RGS3: variants seen among roughly 807,000 people sequenced by gnomAD.
RGS3 encodes the protein regulator of G protein signaling 3, also known as regulator of G-protein signalling 3.
In RGS3, 80 loss-of-function variants were observed where a neutral mutation model predicts 132.6. The ratio of observed to expected loss-of-function variants is 0.60; its 90% CI spans 0.50 to 0.73. RGS3 has a LOEUF of 0.73. RGS3 is among the 30% of genes least tolerant of loss of function. The probability of loss-of-function intolerance (pLI) is 0.00; values close to 1 mark genes in which losing one functional copy is unlikely to be tolerated. For missense variants in RGS3, 1,382 were observed against 1,530.8 expected, an observed-to-expected ratio of 0.90 and a Z score of 1.62; for synonymous variants, 598 against 620.6, an observed-to-expected ratio of 0.96 and a Z score of 0.54.
intron 19 of RGS3, among the ~76,000 whole-genome samples, chr9:113,558,203 G>A (rs1833646634): frequency 6.6e-6 from 1 of 152,158 alleles, no homozygotes; most frequent in Admixed American, 6.5e-5. Context: ...GAAGAATGGT[G>A]CTCAAAAGTC....
intron 19 of RGS3, among the ~76,000 whole-genome samples, chr9:113,542,819 C>T (rs138901932): frequency 6.6e-6 from 1 of 152,208 alleles, no homozygotes; most frequent in Non-Finnish European, 1.5e-5. Context: ...CCATGCTGAG[C>T]ATTGTGATAG....
intron 1 of RGS3, among the ~76,000 whole-genome samples, chr9:113,447,329 G>GTATA (rs60991619): frequency 0.022 from 616 of 27,524 alleles, 94 homozygotes; most frequent in Admixed American, 0.09. Context: ...GTATGTATAT[G>GTATA]TATATATATA....
At chr9:113,558,153 T>C (rs1037247770) in intron 19 of RGS3, among the ~76,000 whole-genome samples, 4 of 152,194 alleles carry the variant, frequency 2.6e-5, no homozygotes, top group African/African-American at 9.7e-5. Flanking sequence ...AGGAGGGGTC[T>C]GCAAAATTCT....
intron 19 of RGS3, among the ~76,000 whole-genome samples, chr9:113,573,152 C>T (rs1834363991): frequency 6.6e-6 from 1 of 152,198 alleles, no homozygotes; most frequent in African/African-American, 2.4e-5. Context: ...ATAGGTTAAG[C>T]AGCCTGTGCA....
At chr9:113,490,927 T>C (rs1830493610) in intron 7 of RGS3, among the ~76,000 whole-genome samples, 1 of 131,548 alleles carries the variant, frequency 7.6e-6, no homozygotes, top group Admixed American at 7.9e-5. Context: ...TATATAATTA[T>C]ATATAACCTA....
intron 3 of RGS3, chr9:113,462,268 C>A: frequency 1.1e-6 from 1 of 922,994 alleles, no homozygotes; most frequent in Non-Finnish European, 1.4e-6. Flanking sequence ...GCAGTGTTCA[C>A]CATGTGTGTG....
intron 22 of RGS3, 21 bp downstream of exon 20, chr9:113,594,552 T>A: frequency 2.5e-6 from 4 of 1,587,060 alleles, no homozygotes; most frequent in South Asian, 1.1e-5. Context: ...CCTGGCACCC[T>A]GGGACCCTTT....
chr9:113,541,364 C>A, intron 19 of RGS3: 1 of 1,613,852 alleles, frequency 6.2e-7, no homozygotes, highest in South Asian at 1.1e-5. Context: ...TGGGGCCGGT[C>A]AACTCAACCA....
chr9:113,501,423 GGGC>G, intron 10 of RGS3: 2 of 1,469,022 alleles, frequency 1.4e-6, no homozygotes, highest in Non-Finnish European at 1.8e-6. Flanking sequence ...AGCACAGACA[GGGC>G]TTGGGGAGGT....
At chr9:113,473,264 G>T (rs952470806) in intron 3 of RGS3, among the ~76,000 whole-genome samples, 14 of 152,242 alleles carry the variant, frequency 9.2e-5, no homozygotes, top group Non-Finnish European at 7.3e-5. Flanking sequence ...CAAAGACTTT[G>T]TGGACAAATT....
intron 1 of RGS3, among the ~76,000 whole-genome samples, chr9:113,454,037 C>T (rs1362725939): frequency 1.3e-5 from 2 of 152,004 alleles, no homozygotes; most frequent in African/African-American, 4.8e-5. Context: ...TAGTCTCAGA[C>T]TCCTGGCCTC....
At chr9:113,508,604 C>T in intron 14 of RGS3, 24 bp downstream of exon 12, 1 of 1,609,972 alleles carries the variant, frequency 6.2e-7, no homozygotes, top group South Asian at 1.1e-5. Context: ...TGCTGCTGTG[C>T]CCTCCTAGCT....
At chr9:113,564,422 C>G (rs956994870) in intron 19 of RGS3, among the ~76,000 whole-genome samples, 1 of 152,212 alleles carries the variant, frequency 6.6e-6, no homozygotes, top group Non-Finnish European at 1.5e-5. Context: ...AGAGAATCCT[C>G]TATTCATCCC....
rs139653092 is a variant in RGS3, at chr9:113,531,686, T to A, written c.1914+2422T>A. 1.6e-3 allele frequency among the ~76,000 whole-genome samples: 251 copies of A among 152,264 alleles called. 3 individuals carry two copies. The highest frequency in any genetic ancestry group is 5.6e-3 in the African/African-American group (231 of 41,542). On this transcript the variant is annotated intron_variant, in intron 18 of 24. Coordinates refer to ENST00000350696, the Ensembl canonical transcript of RGS3. ...TAATGTGCATATACAGTTATACAAA[T>A]ATGGTAAGATCACAGACTCTGGAGG...
exon 20 of RGS3, chr9:113,583,595 C>T: frequency 6.2e-7 from 1 of 1,614,174 alleles, no homozygotes; most frequent in African/African-American, 1.3e-5. Flanking sequence ...AACAAGGACT[C>T]CCCTTCTGGG....
chr9:113,497,318 T>G, exon 9 of RGS3: 1 of 1,612,244 alleles, frequency 6.2e-7, no homozygotes, highest in Non-Finnish European at 8.5e-7. Context: ...TGACAGGAGA[T>G]CAGTGGTTGG....
chr9:113,543,569 G>A (rs1344651026), intron 19 of RGS3, among the ~76,000 whole-genome samples: 1 of 152,234 alleles, frequency 6.6e-6, no homozygotes, highest in East Asian at 1.9e-4. Context: ...CAGACAGCAA[G>A]CTGCACTTTG....
chr9:113,526,658 A>G (rs777422838), intron 17 of RGS3, among the ~76,000 whole-genome samples: 2 of 152,102 alleles, frequency 1.3e-5, no homozygotes, highest in Non-Finnish European at 2.9e-5. Context: ...ATCAGGTGAG[A>G]GAGGGCTCTG....
In RGS3 at chr9:113,533,566, G is replaced by T. The variant is rs1832562192; in HGVS notation, c.1915-3230G>T. On this transcript the variant is annotated intron_variant, in intron 18 of 24. Coordinates refer to ENST00000350696, the Ensembl canonical transcript of RGS3. ...TTTTAAAATTGATAATCAGACAAAAGGAATTATTAGTAAGGCAGAATTCCT... is the reference window on the plus strand; with the variant it reads ...TTTTAAAATTGATAATCAGACAAAATGAATTATTAGTAAGGCAGAATTCCT... Among the ~76,000 whole-genome samples the T allele has an allele frequency of 2.0e-5, 3 of 152,162 alleles. No homozygotes were observed. The South Asian group carries it at 6.2e-4, about 32-fold the overall frequency.
Sources: allele counts gnomAD v4.1 joint callset (sites outside exome capture counted in the v4.1 genomes callset), GRCh38; gene constraint gnomAD v4.1.1; transcripts MANE v1.5; gene names NCBI Gene and HGNC (gene_info 2026-07-23, HGNC 2026-07-21).